Variants in AP2A2 observed in about 807,000 individuals in gnomAD.
The protein encoded by AP2A2 is AP-2 complex subunit alpha-2.
A neutral mutation model predicts 104.2 loss-of-function variants in AP2A2; 32 were observed. The observed-to-expected ratio is 0.31, with a 90% CI of 0.23 to 0.41. The LOEUF is 0.41. Ranked by LOEUF, AP2A2 falls within the 10% of genes least tolerant of loss-of-function variation. The pLI is 1.00. For missense variants in AP2A2, 912 were observed against 1,261.0 expected (o/e 0.72, Z 4.19); for synonymous variants, 539 against 533.3 (o/e 1.01, Z -0.15).
At chr11:936,097 T>C (rs12801544) in intron 1 of AP2A2, among the ~76,000 whole-genome samples, 86,027 of 147,248 alleles carry the variant, frequency 0.58, 25,770 homozygotes, top group Middle Eastern at 0.74. Context: ...TTAGTAGAGA[T>C]GGGGTTTCAC....
At chr11:962,895 CAT>C (rs1247333264) in intron 2 of AP2A2, among the ~76,000 whole-genome samples, 4 of 152,016 alleles carry the variant, frequency 2.6e-5, no homozygotes, top group African/African-American at 7.2e-5. Flanking sequence ...TGGCAGCAGA[CAT>C]AGAAGAAAAT....
chr11:949,981 A>AATACG (rs1564788282), intron 1 of AP2A2, among the ~76,000 whole-genome samples: 4 of 151,900 alleles, frequency 2.6e-5, no homozygotes, highest in African/African-American at 9.7e-5. Flanking sequence ...AACTTAATAC[A>AATACG]CAAATGATTA....
At chr11:1,005,084 C>T (rs1484531180) in intron 16 of AP2A2, among the ~76,000 whole-genome samples, 1 of 152,210 alleles carries the variant, frequency 6.6e-6, no homozygotes, top group East Asian at 1.9e-4. Flanking sequence ...AGAAACAGCC[C>T]AGATGTTCAT....
chr11:991,972 G>T (rs1855670774), intron 10 of AP2A2, among the ~76,000 whole-genome samples: 1 of 152,156 alleles, frequency 6.6e-6, no homozygotes, highest in Admixed American at 6.5e-5. Flanking sequence ...GGCTGGGCAG[G>T]TGCCTCCGGG....
chr11:957,953 G>C (rs1156372255), intron 1 of AP2A2, among the ~76,000 whole-genome samples: 2 of 152,232 alleles, frequency 1.3e-5, no homozygotes, highest in South Asian at 2.1e-4. Flanking sequence ...GGTGCTCAGT[G>C]GATATTTACG....
rs868293113 is a variant in AP2A2, at chr11:1,010,556, G to A, written c.2751G>A (p.Arg917=). 1 of 1,591,520 alleles carries A rather than the reference G, an allele frequency of 6.3e-7. No individual in the cohort carries two copies. The change falls in exon 22 of 22, where the codon CGG becomes CGA. Residue 917 remains arginine (R), a synonymous_variant. Transcript: ENST00000448903. ...LEPNLQAQMY[R]LTLRTSKEAV... ...TGTGCTCTCTGTTTCAGATGTACCG[G>A]CTCACGCTGCGCACAAGTAAGGAAG...
At chr11:938,128 C>T (rs538391711) in intron 1 of AP2A2, among the ~76,000 whole-genome samples, 30 of 152,316 alleles carry the variant, frequency 2.0e-4, no homozygotes, top group African/African-American at 6.7e-4. Flanking sequence ...TGGGGTGTTG[C>T]TTTATGATGG....
intron 2 of AP2A2, among the ~76,000 whole-genome samples, chr11:962,035 C>T (rs984296924): frequency 4.1e-4 from 63 of 152,180 alleles, no homozygotes; most frequent in Admixed American, 1.4e-3. Context: ...GTCTGACAGT[C>T]GCCGCCACCT....
intron 1 of AP2A2, among the ~76,000 whole-genome samples, chr11:947,170 C>A (rs1853874237): frequency 6.6e-6 from 1 of 151,884 alleles, no homozygotes. Context: ...GCCACCAGGC[C>A]CAGCTAATTT....
chr11:960,346 G>A (rs780885693), intron 2 of AP2A2, among the ~76,000 whole-genome samples: 13 of 151,986 alleles, frequency 8.6e-5, no homozygotes, highest in Non-Finnish European at 1.6e-4. Context: ...AGGTTCAAGC[G>A]GTTCTCCTGC....
chr11:1,008,293 C>T, intron 18 of AP2A2, 158 bp downstream of exon 18: 1 of 1,137,562 alleles, frequency 8.8e-7, no homozygotes, highest in Non-Finnish European at 1.2e-6. Flanking sequence ...CTGCCCCCGG[C>T]TCTGCAGAGC....
Position 968,253 on chromosome 11 carries a change from C to T in AP2A2, c.137-1916C>T, listed in dbSNP as rs1421793978. On this transcript the variant is annotated intron_variant, in intron 2 of 21. Coordinates refer to ENST00000448903, the MANE Select transcript of AP2A2 (RefSeq NM_012305.4). The surrounding 1 kb of genome is among the most constrained non-coding windows in gnomAD (Gnocchi z 4.2). ...CCCAGGGGAGTGCTCTGTGACATCT[C>T]TGGGAGGCCCAGAGGTGATCCTGCA... is the stretch of plus-strand genomic sequence containing the variant. 6.6e-6 allele frequency among the ~76,000 whole-genome samples: 1 copy of T among 152,236 alleles called. No homozygotes were observed. Among genetic ancestry groups the T allele is most frequent in the East Asian group, 1.9e-4 (1 of 5,198 alleles).
At chr11:960,247 C>T (rs1589967781) in intron 2 of AP2A2, among the ~76,000 whole-genome samples, 1 of 144,018 alleles carries the variant, frequency 6.9e-6, no homozygotes, top group Admixed American at 6.9e-5. Flanking sequence ...CTTTTCTTTT[C>T]TTTTTTTTTT....
At chr11:975,423 T>C (rs1231193822) in intron 4 of AP2A2, among the ~76,000 whole-genome samples, 1 of 148,730 alleles carries the variant, frequency 6.7e-6, no homozygotes, top group Non-Finnish European at 1.5e-5. Context: ...GTCTCCCTTG[T>C]GTGAGCCGAC....
At chr11:1,002,515 G>A (rs1856062512) in intron 15 of AP2A2, among the ~76,000 whole-genome samples, 1 of 152,282 alleles carries the variant, frequency 6.6e-6, no homozygotes, top group Non-Finnish European at 1.5e-5. Context: ...GGGGGCGGCT[G>A]TGGCCTCCAG....
At chr11:995,618 G>A (rs1045462450) in intron 14 of AP2A2, among the ~76,000 whole-genome samples, 2 of 150,908 alleles carry the variant, frequency 1.3e-5, no homozygotes, top group African/African-American at 4.9e-5. Flanking sequence ...CCTTGGCGGG[G>A]ACCTGCTTAT....
At position 986,804 on chromosome 11, in the gene AP2A2, CG is replaced by C; in HGVS notation, c.983del (p.Arg328LeufsTer49). On this transcript the variant is annotated frameshift_variant, in exon 9 of 22. Coordinates refer to ENST00000448903, the MANE Select transcript of AP2A2 (RefSeq NM_012305.4). LOFTEE classifies it high-confidence loss of function. Reference sequence around the variant, plus strand: ...ACACAGTGAGCCGAACCTGCTCGTCCGTGCCTGCAACCAGTTGGGCCAGTTT... The same window carrying C: ...ACACAGTGAGCCGAACCTGCTCGTCCTGCCTGCAACCAGTTGGGCCAGTTT... ...HHDSEPNLLVRACNQLGQFLQ... is the reference protein window; with the variant it reads ...HHDSEPNLLVXACNQLGQFLQ... 6.2e-7 allele frequency: 1 copy of C among 1,613,336 alleles called. No homozygotes were observed. The highest frequency in any genetic ancestry group is 1.1e-5 in the South Asian group (1 of 90,900).
chr11:957,035 T>C (rs1854259692), intron 1 of AP2A2: 1 of 152,216 alleles, frequency 6.6e-6, no homozygotes, highest in African/African-American at 2.4e-5. Context: ...CTTCTCATGT[T>C]AGCCTCAAGC....
At chr11:1,002,855 C>T (rs376335601) in intron 15 of AP2A2, among the ~76,000 whole-genome samples, 2 of 152,206 alleles carry the variant, frequency 1.3e-5, no homozygotes, top group Non-Finnish European at 1.5e-5. Context: ...TGCTGCCGTG[C>T]AGCATTTGCT....
Sources: allele counts gnomAD v4.1 joint callset (sites outside exome capture counted in the v4.1 genomes callset), GRCh38; gene constraint gnomAD v4.1.1; non-coding constraint Gnocchi (gnomAD v3.1); transcripts MANE v1.5; gene names NCBI Gene and HGNC (gene_info 2026-07-23, HGNC 2026-07-21).